The following PIP5K1C variants were observed in gnomAD, a reference collection of about 807,000 sequenced individuals.
PIP5K1C encodes phosphatidylinositol 4-phosphate 5-kinase type-1 gamma.
Under a neutral mutation model 80.1 loss-of-function variants are expected in PIP5K1C, and 45 were observed. The ratio of observed to expected loss-of-function variants is 0.56; its 90% CI spans 0.44 to 0.72. The LOEUF (loss-of-function observed/expected upper bound fraction) is 0.72, where lower values mean the gene tolerates loss of function less well. Among genes scored for constraint, PIP5K1C ranks in the 30% least tolerant of loss-of-function variants. PIP5K1C has a pLI of 0.00. For synonymous variants in PIP5K1C, 498 were observed against 420.1 expected (o/e 1.19, Z -2.27); for missense variants, 753 against 954.6 (o/e 0.79, Z 2.78).
At chr19:3,640,749 C>T (rs919922777) in intron 15 of PIP5K1C, among the ~76,000 whole-genome samples, 1 of 150,934 alleles carries the variant, frequency 6.6e-6, no homozygotes, top group Non-Finnish European at 1.5e-5. Flanking sequence ...TGCAGTGGTG[C>T]GATCTCAGCT....
intron 1 of PIP5K1C, chr19:3,668,348 TG>T: frequency 6.6e-6 from 1 of 152,222 alleles, no homozygotes; most frequent in Non-Finnish European, 1.5e-5. Context: ...GAGATGATCC[TG>T]GGGGACCTGG....
chr19:3,655,883 C>G (rs542218315), intron 6 of PIP5K1C, among the ~76,000 whole-genome samples: 42 of 152,342 alleles, frequency 2.8e-4, no homozygotes, highest in Middle Eastern at 3.4e-3. Context: ...CCTACTCCCC[C>G]CTCCCGGGGC....
chr19:3,637,665 C>A lies in PIP5K1C; in HGVS notation c.1920+1219G>T. ...GAGGAGGAAGGAAAACAGAGGACAG[C>A]GGATGAGGCGGCCACCCCCGTGGTC... On this transcript the variant is annotated intron_variant, in intron 16 of 17. Coordinates refer to ENST00000335312, the MANE Select transcript of PIP5K1C (RefSeq NM_012398.3). The surrounding 1 kb of genome is among the most constrained non-coding windows in gnomAD (Gnocchi z 7.0). The A allele has an allele frequency of 6.6e-7, 1 of 1,506,040 alleles. No individual in the cohort carries two copies. Among genetic ancestry groups the A allele is most frequent in the Non-Finnish European group, 8.8e-7 (1 of 1,130,656 alleles). The allele number at this position is 1,506,040 out of a possible 1,614,324, so 93.3% of individuals were successfully genotyped here.
At chr19:3,668,136 G>A (rs2035075695) in intron 1 of PIP5K1C, among the ~76,000 whole-genome samples, 1 of 151,988 alleles carries the variant, frequency 6.6e-6, no homozygotes, top group East Asian at 1.9e-4. Context: ...GCAGGATTGA[G>A]CCAACGAGCC....
At chr19:3,663,176 A>ATTTTT (rs200376758) in intron 3 of PIP5K1C, among the ~76,000 whole-genome samples, 2,443 of 151,982 alleles carry the variant, frequency 0.016, 79 homozygotes, top group African/African-American at 0.056. Context: ...GGCTGCTGTT[A>ATTTTT]TTTTTGCCAT....
At position 3,668,109 on chromosome 19, in the gene PIP5K1C, G is replaced by A. The variant is rs138088737; in HGVS notation, c.95-756C>T. 3.4e-3 allele frequency among the ~76,000 whole-genome samples: 521 copies of A among 152,194 alleles called. 5 individuals carry two copies. Among genetic ancestry groups the A allele is most frequent in the African/African-American group, 0.012 (497 of 41,536 alleles). ...GCAGGGCCTGGGCCGCAGCTCCAGA[G>A]AGGACAACAGAGGCCTGCAGGATTG... On this transcript the variant is annotated intron_variant, in intron 1 of 17. Transcript: ENST00000335312.
At chr19:3,645,427 C>G (rs1333889860) in intron 11 of PIP5K1C, among the ~76,000 whole-genome samples, 2 of 152,226 alleles carry the variant, frequency 1.3e-5, no homozygotes, top group Admixed American at 1.3e-4. Flanking sequence ...TGAGGGGAAG[C>G]TGAGCCCTGA....
rs538492995 is a variant in PIP5K1C, at chr19:3,643,185, C to A, written c.1649+58G>T. 1.7e-5 allele frequency: 28 copies of A among 1,605,164 alleles called. No individual in the cohort carries two copies. In the South Asian group the frequency reaches 2.8e-4, roughly 16 times the overall value. ...ATGCCCCGCCCACATGCAGTGAATG[C>A]CCCGCCCCCACGCACAGCGGATGCC... On this transcript the variant is annotated intron_variant, in intron 13 of 17. Coordinates refer to ENST00000335312, the MANE Select transcript of PIP5K1C (RefSeq NM_012398.3).
At chr19:3,672,180 TA>T (rs1300263832) in intron 1 of PIP5K1C, among the ~76,000 whole-genome samples, 1 of 152,216 alleles carries the variant, frequency 6.6e-6, no homozygotes, top group Non-Finnish European at 1.5e-5. Flanking sequence ...TCTCTCTCTA[TA>T]AAGTGCGGCT....
chr19:3,639,521 G>A (rs930120129), intron 15 of PIP5K1C, among the ~76,000 whole-genome samples: 6 of 152,070 alleles, frequency 3.9e-5, no homozygotes, highest in South Asian at 2.1e-4. Flanking sequence ...AGCCTCCACC[G>A]CCCGGGCTCA....
chr19:3,663,427 C>G (rs16991985), intron 3 of PIP5K1C, among the ~76,000 whole-genome samples: 29,835 of 152,152 alleles, frequency 0.2, 3,177 homozygotes, highest in African/African-American at 0.26. Flanking sequence ...TTCACCTCCC[C>G]GAGATGCCAC....
rs2035888943 is a variant in PIP5K1C at position 3,689,848 on chromosome 19, C to CA, written c.94+10448_94+10449insT. On this transcript the variant is annotated intron_variant, in intron 1 of 17. Transcript: ENST00000335312. The stretch of plus-strand genomic sequence containing the variant: ...GCACACACTAACGTACACTCCCCCC[C>CA]CACACACAGAATGATAAAGACATGG... Among the ~76,000 whole-genome samples the CA allele has an allele frequency of 2.0e-5, 3 of 152,088 alleles. No homozygotes were observed. In the South Asian group the frequency reaches 6.2e-4, roughly 32 times the overall value.
At chr19:3,679,021 G>A (rs995621920) in intron 1 of PIP5K1C, among the ~76,000 whole-genome samples, 6 of 151,908 alleles carry the variant, frequency 3.9e-5, no homozygotes, top group African/African-American at 1.2e-4. Flanking sequence ...GAGGGATGGC[G>A]TGAACACAGC....
rs181977474 is a variant in PIP5K1C at position 3,677,732 on chromosome 19, G to C, written c.95-10379C>G. Reference sequence around the variant, plus strand: ...GGAGGGATGGTGGGATGGAGGGATGGAAGGATGGTGGGATGGAGGGAGGGA... The same window carrying C: ...GGAGGGATGGTGGGATGGAGGGATGCAAGGATGGTGGGATGGAGGGAGGGA... On this transcript the variant is annotated intron_variant, in intron 1 of 17. Coordinates refer to ENST00000335312, the MANE Select transcript of PIP5K1C (RefSeq NM_012398.3). 1.8e-3 allele frequency among the ~76,000 whole-genome samples: 200 copies of C among 112,340 alleles called. 4 individuals are homozygous for C. The highest frequency in any genetic ancestry group is 0.011 in the Admixed American group (140 of 12,216). The allele number at this position is 112,340 out of a possible 152,430, so 73.7% of individuals were successfully genotyped here.
Position 3,638,007 on chromosome 19 carries a change from C to A in PIP5K1C, c.1920+877G>T, listed in dbSNP as rs924834645. 8.6e-6 allele frequency: 13 copies of A among 1,514,868 alleles called. No homozygotes were observed. The East Asian group carries it at 3.2e-4, about 37-fold the overall frequency. The allele number at this position is 1,514,868 out of a possible 1,614,324, so 93.8% of individuals were successfully genotyped here. A position where few individuals can be genotyped will look rare whatever the true frequency, so the allele number is the denominator to read the frequency against. ...GTGCATGGGGACCCCAGAGGCGCCA[C>A]TGGAGACAGAGCAGGGGAGTTAGTT... is the stretch of plus-strand genomic sequence containing the variant. On this transcript the variant is annotated intron_variant, in intron 16 of 17. Coordinates refer to ENST00000335312, the MANE Select transcript of PIP5K1C (RefSeq NM_012398.3).
Position 3,640,341 on chromosome 19 carries a change from C to T in PIP5K1C, c.1788-1325G>A, listed in dbSNP as rs1169161509. On this transcript the variant is annotated intron_variant, in intron 15 of 17. Coordinates refer to ENST00000335312, the MANE Select transcript of PIP5K1C (RefSeq NM_012398.3). ...CCAGCCTGGTCAACATGGTGAAACC[C>T]CATCTCTACTAAAAATACAAAAAAA... is the stretch of plus-strand genomic sequence containing the variant. Among the ~76,000 whole-genome samples the T allele has an allele frequency of 2.0e-5, 3 of 152,150 alleles. No individual in the cohort carries two copies. The South Asian group carries it at 6.2e-4, about 32-fold the overall frequency.
At chr19:3,660,205 C>G (rs2034785085) in intron 5 of PIP5K1C, among the ~76,000 whole-genome samples, 1 of 152,096 alleles carries the variant, frequency 6.6e-6, no homozygotes, top group Admixed American at 6.5e-5. Flanking sequence ...ACGGTGAAAC[C>G]CCGTCTCTAC....
chr19:3,636,639 C>G (rs918532433), intron 16 of PIP5K1C: 1 of 985,598 alleles, frequency 1.0e-6, no homozygotes, highest in Non-Finnish European at 1.2e-6. Flanking sequence ...TTCCCGCTGG[C>G]TCCGTGGGAC....
At chr19:3,651,230 A>AT (rs1222254759) in intron 8 of PIP5K1C, among the ~76,000 whole-genome samples, 3 of 150,880 alleles carry the variant, frequency 2.0e-5, no homozygotes, top group East Asian at 3.9e-4. Context: ...TACATTTTAT[A>AT]TTTTTTGTAG....
Sources: gnomAD v4.1 joint callset for allele counts (sites outside exome capture counted in the v4.1 genomes callset) on GRCh38, gnomAD v4.1.1 for gene constraint, Gnocchi (gnomAD v3.1) non-coding constraint, MANE v1.5 for transcripts, NCBI Gene and HGNC (gene_info 2026-07-23, HGNC 2026-07-21) for gene names.